Variants in RPTOR observed in about 807,000 individuals in gnomAD.
RPTOR encodes regulatory associated protein of MTOR complex 1.
In RPTOR, 21 loss-of-function variants were observed where a neutral mutation model predicts 169.9. That is an observed-to-expected ratio of 0.12 (90% CI 0.09 to 0.18). RPTOR has a LOEUF of 0.18. Ranked by LOEUF, RPTOR falls within the 10% of genes least tolerant of loss-of-function variation. The pLI, the probability that RPTOR is intolerant of heterozygous loss-of-function variation, is 1.00. For synonymous variants in RPTOR, 732 were observed against 753.2 expected, an observed-to-expected ratio of 0.97 and a Z score of 0.46; for missense variants, 1,133 against 1,855.9, an observed-to-expected ratio of 0.61 and a Z score of 7.16.
intron 7 of RPTOR, among the ~76,000 whole-genome samples, chr17:80,797,448 A>C (rs1419985424): frequency 6.6e-6 from 1 of 152,244 alleles, no homozygotes; most frequent in Admixed American, 6.5e-5. Context: ...GTGCCCGGCC[A>C]TGTCTTTTGC....
At chr17:80,719,046 C>T (rs149339231) in intron 4 of RPTOR, among the ~76,000 whole-genome samples, 75 of 152,154 alleles carry the variant, frequency 4.9e-4, no homozygotes, top group Non-Finnish European at 8.5e-4. Flanking sequence ...GCACCAGAAG[C>T]GAGAAGAAGG....
chr17:80,839,748 G>A lies in RPTOR; in HGVS notation c.1212+1751G>A, dbSNP rs77693413. Among the ~76,000 whole-genome samples, 24 of 152,320 alleles carry A rather than the reference G, an allele frequency of 1.6e-4. No homozygotes were observed. In the East Asian group the frequency reaches 4.2e-3, roughly 27 times the overall value. On this transcript the variant is annotated intron_variant, in intron 10 of 33. Transcript: ENST00000306801. ...AAACTGGCCTTTCTGTACTCTGAGCGTGGCTTCACTCGGTACTTTTAAGAG... is the reference window on the plus strand; with the variant it reads ...AAACTGGCCTTTCTGTACTCTGAGCATGGCTTCACTCGGTACTTTTAAGAG...
intron 5 of RPTOR, among the ~76,000 whole-genome samples, chr17:80,753,052 A>G (rs987500196): frequency 6.6e-6 from 1 of 152,240 alleles, no homozygotes; most frequent in Non-Finnish European, 1.5e-5. Context: ...TTTGAATTCA[A>G]AAACACCTCA....
chr17:80,831,541 C>T (rs2067503347), intron 9 of RPTOR, among the ~76,000 whole-genome samples: 1 of 152,224 alleles, frequency 6.6e-6, no homozygotes, highest in South Asian at 2.1e-4. Context: ...TATGAGCAGT[C>T]CTTGCTGCTC....
intron 5 of RPTOR, among the ~76,000 whole-genome samples, chr17:80,744,477 A>G (rs371428795): frequency 4.3e-4 from 30 of 70,276 alleles, no homozygotes; most frequent in Non-Finnish European, 7.8e-4. Flanking sequence ...AGCCCTGGTT[A>G]CTAGCACAGC....
Position 80,964,196 on chromosome 17 carries a change from C to T in RPTOR, c.3940-66C>T, listed in dbSNP as rs1258028954. The stretch of plus-strand genomic sequence containing the variant: ...GCCTAAGGATGCGGGTTGGCCTGCG[C>T]CCCCCCGCCCCCCGCAGTGTCTGCC... On this transcript the variant is annotated intron_variant, in intron 33 of 33. Transcript: ENST00000306801. 3.2e-5 allele frequency: 32 copies of T among 1,008,716 alleles called. 1 individual carries two copies. The highest frequency in any genetic ancestry group is 1.5e-4 in the East Asian group (6 of 41,218). 62.5% of individuals were successfully genotyped at this position (1,008,716 alleles called of 1,614,324 possible).
chr17:80,908,796 A>G lies in RPTOR; in HGVS notation c.2402-15A>G, dbSNP rs759879033. 11 of 1,593,502 alleles carry G rather than the reference A, an allele frequency of 6.9e-6. No individual in the cohort carries two copies. The highest frequency in any genetic ancestry group is 1.1e-5 in the South Asian group (1 of 90,390). ...GCTACTTTCCACTAAAACATCTTCC[A>G]TTTCTCTCTCTCAGGAGTTTCCTTT... On this transcript the variant is annotated splice_polypyrimidine_tract_variant and intron_variant, in intron 20 of 33. Coordinates refer to ENST00000306801, the MANE Select transcript of RPTOR (RefSeq NM_020761.3).
At chr17:80,579,299 T>C (rs2064994162) in intron 1 of RPTOR, among the ~76,000 whole-genome samples, 1 of 152,202 alleles carries the variant, frequency 6.6e-6, no homozygotes, top group Non-Finnish European at 1.5e-5. Context: ...GTTCAAGCGA[T>C]TCTTCTGCCT....
intron 2 of RPTOR, among the ~76,000 whole-genome samples, chr17:80,629,663 C>G (rs1219110976): frequency 1.9e-5 from 2 of 102,596 alleles, no homozygotes; most frequent in Middle Eastern, 8.2e-3. Context: ...GTCTCTCTCT[C>G]CTGGGACTCA....
intron 3 of RPTOR, among the ~76,000 whole-genome samples, chr17:80,650,459 AG>A: frequency 6.6e-6 from 1 of 152,170 alleles, no homozygotes; most frequent in South Asian, 2.1e-4. Context: ...TCTCACTGGT[AG>A]GGGAGCTCCC....
rs1216014582 is a variant in RPTOR, at chr17:80,844,979, T to TTG, written c.1213-1493_1213-1492insGT. Among the ~76,000 whole-genome samples, 5 of 151,008 alleles carry TTG rather than the reference T, an allele frequency of 3.3e-5. No homozygotes were observed. The highest frequency in any genetic ancestry group is 1.2e-4 in the African/African-American group (5 of 40,938). On this transcript the variant is annotated intron_variant, in intron 10 of 33. Coordinates refer to ENST00000306801, the MANE Select transcript of RPTOR (RefSeq NM_020761.3). This position sits in a 1 kb window ranked among gnomAD's most constrained non-coding sequence, Gnocchi z 4.7. ...TGGGAGAGAGAGGCTGGTAGTTGTT[T>TTG]TTTTTTTTTTCTTTAATTCTTTGTA...
chr17:80,904,724 T>C (rs1020014442), intron 20 of RPTOR, among the ~76,000 whole-genome samples: 3 of 152,052 alleles, frequency 2.0e-5, no homozygotes, highest in Non-Finnish European at 4.4e-5. Flanking sequence ...GATGGGAAGT[T>C]CTCTGCGGTC....
intron 1 of RPTOR, among the ~76,000 whole-genome samples, chr17:80,580,289 T>C (rs1483519009): frequency 6.6e-6 from 1 of 152,194 alleles, no homozygotes; most frequent in African/African-American, 2.4e-5. Context: ...CTGGAAGTGA[T>C]AGAAATAACT....
chr17:80,944,454 G>C (rs928278851), intron 25 of RPTOR, among the ~76,000 whole-genome samples: 1 of 152,184 alleles, frequency 6.6e-6, no homozygotes, highest in Admixed American at 6.5e-5. Context: ...TGTCCAGCTC[G>C]GCATCAGGAG....
intron 13 of RPTOR, among the ~76,000 whole-genome samples, chr17:80,859,727 C>T (rs768603194): frequency 6.6e-6 from 1 of 152,240 alleles, no homozygotes; most frequent in Non-Finnish European, 1.5e-5. Flanking sequence ...CACGTGTGTG[C>T]GGGGGTGGTC....
In RPTOR at chr17:80,890,449, AG is replaced by A. The variant is rs531116379; in HGVS notation, c.1984-1269del. 2.7e-3 allele frequency among the ~76,000 whole-genome samples: 393 copies of A among 145,768 alleles called. 1 individual carries two copies. The highest frequency in any genetic ancestry group is 4.8e-3 in the Non-Finnish European group (320 of 67,036). ...CCAGGGGAGCCTGGGACAGTGACTT[AG>A]GCAGTTGGAGACGAGCGCCAGAACC... On this transcript the variant is annotated intron_variant, in intron 17 of 33. Coordinates refer to ENST00000306801, the MANE Select transcript of RPTOR (RefSeq NM_020761.3).
intron 6 of RPTOR, among the ~76,000 whole-genome samples, chr17:80,777,471 T>C (rs1396335255): frequency 2.6e-5 from 4 of 152,108 alleles, no homozygotes; most frequent in Non-Finnish European, 4.4e-5. Flanking sequence ...TGAAGTGGTA[T>C]CTCACTGTTC....
At chr17:80,641,468 A>T (rs2065553444) in intron 2 of RPTOR, among the ~76,000 whole-genome samples, 2 of 152,172 alleles carry the variant, frequency 1.3e-5, no homozygotes, top group South Asian at 4.1e-4. Flanking sequence ...TTTTTATTTT[A>T]TTTTTTTATC....
intron 21 of RPTOR, among the ~76,000 whole-genome samples, chr17:80,911,724 G>A (rs1478644093): frequency 6.6e-6 from 1 of 152,204 alleles, no homozygotes; most frequent in Non-Finnish European, 1.5e-5. Context: ...GCTCAAGGCT[G>A]CAGTGAGCTA....
Sources: allele counts gnomAD v4.1 joint callset (sites outside exome capture counted in the v4.1 genomes callset), GRCh38; gene constraint gnomAD v4.1.1; non-coding constraint Gnocchi (gnomAD v3.1); transcripts MANE v1.5; gene names NCBI Gene and HGNC (gene_info 2026-07-23, HGNC 2026-07-21).